COL14A1: variants seen among roughly 807,000 people sequenced by gnomAD.
COL14A1 encodes the protein collagen type XIV alpha 1 chain.
COL14A1 carries 136 observed loss-of-function variants against 230.3 expected under a neutral mutation model. That is an observed-to-expected ratio of 0.59 (90% confidence interval 0.51 to 0.68). The LOEUF (loss-of-function observed/expected upper bound fraction) is 0.68, where lower values mean the gene tolerates loss of function less well. Ranked by LOEUF, COL14A1 falls within the 30% of genes least tolerant of loss-of-function variation. The pLI, the probability that COL14A1 is intolerant of heterozygous loss-of-function variation, is 0.00. For synonymous variants in COL14A1, 792 were observed against 784.1 expected (o/e 1.01, Z -0.17); for missense variants, 1,976 against 2,215.8 (o/e 0.89, Z 2.17).
At chr8:120,310,603 C>T (rs556189138) in intron 37 of COL14A1, among the ~76,000 whole-genome samples, 64 of 152,308 alleles carry the variant, frequency 4.2e-4, no homozygotes, top group Non-Finnish European at 7.8e-4. Context: ...TCAAGGAACA[C>T]GTTTTTCTAC....
At chr8:120,151,415 C>T (rs371046461) in intron 2 of COL14A1, among the ~76,000 whole-genome samples, 6 of 151,842 alleles carry the variant, frequency 4.0e-5, no homozygotes, top group African/African-American at 1.4e-4. Flanking sequence ...CTAAGGCAGG[C>T]GGATCATGAG....
chr8:120,199,808 T>C (rs1392620520), intron 8 of COL14A1, among the ~76,000 whole-genome samples: 20 of 151,622 alleles, frequency 1.3e-4, no homozygotes, highest in Admixed American at 1.3e-3. Flanking sequence ...ATATATAAAA[T>C]GCTGTGAAAA....
At chr8:120,143,299 G>C (rs1244402028) in intron 1 of COL14A1, among the ~76,000 whole-genome samples, 1 of 152,192 alleles carries the variant, frequency 6.6e-6, no homozygotes, top group African/African-American at 2.4e-5. Flanking sequence ...CAGGACTGGG[G>C]GAAGTAGCAT....
At chr8:120,172,384 C>T (rs912488094) in intron 5 of COL14A1, among the ~76,000 whole-genome samples, 1 of 152,132 alleles carries the variant, frequency 6.6e-6, no homozygotes. Flanking sequence ...CTCATGACCT[C>T]AGGTGATCTA....
chr8:120,142,976 G>C (rs1383071501), intron 1 of COL14A1, among the ~76,000 whole-genome samples: 3 of 152,150 alleles, frequency 2.0e-5, no homozygotes, highest in African/African-American at 7.2e-5. Context: ...ATGTTACTTT[G>C]AAAGTTTACG....
chr8:120,333,116 C>T lies in COL14A1; in HGVS notation c.4785+381C>T, dbSNP rs547963004. ...CTTGGGAAATTCTAGGTTTAATGAA[C>T]GTGACATTAGATTTTTCTCTTCCAA... On this transcript the variant is annotated intron_variant, in intron 42 of 47. Coordinates refer to ENST00000297848, the MANE Select transcript of COL14A1 (RefSeq NM_021110.4). Among the ~76,000 whole-genome samples the T allele has an allele frequency of 5.5e-4, 83 of 152,282 alleles. 1 individual carries two copies. The South Asian group carries it at 0.013, about 24-fold the overall frequency.
intron 40 of COL14A1, among the ~76,000 whole-genome samples, chr8:120,316,342 A>G (rs1821233765): frequency 6.6e-6 from 1 of 152,208 alleles, no homozygotes; most frequent in African/African-American, 2.4e-5. Flanking sequence ...ATAAAGAACC[A>G]TATGAATTAA....
intron 25 of COL14A1, among the ~76,000 whole-genome samples, chr8:120,268,624 A>G (rs1819569721): frequency 1.3e-5 from 2 of 151,678 alleles, no homozygotes; most frequent in Admixed American, 1.3e-4. Flanking sequence ...TCCTGGGTAT[A>G]TTTAATTTAA....
intron 5 of COL14A1, among the ~76,000 whole-genome samples, 181 bp downstream of exon 5, chr8:120,168,428 C>G (rs2198751): frequency 6.6e-6 from 1 of 151,904 alleles, no homozygotes; most frequent in Non-Finnish European, 1.5e-5. Flanking sequence ...CCACTTGGCA[C>G]GTGACCTTTC....
chr8:120,225,285 C>A, intron 15 of COL14A1, 71 bp downstream of exon 15: 2 of 1,314,986 alleles, frequency 1.5e-6, no homozygotes, highest in Non-Finnish European at 2.1e-6. Context: ...GAACCTGGAG[C>A]ACCTTCTTTA....
chr8:120,247,182 G>C (rs1184234157), intron 20 of COL14A1, among the ~76,000 whole-genome samples: 2 of 152,212 alleles, frequency 1.3e-5, no homozygotes, highest in Non-Finnish European at 2.9e-5. Flanking sequence ...CCAGCACTTT[G>C]GGAGGCCAAG....
intron 5 of COL14A1, 82 bp downstream of exon 5, chr8:120,168,329 G>C (rs966326521): frequency 2.0e-6 from 2 of 993,254 alleles, no homozygotes. Flanking sequence ...GGGGTTGCTG[G>C]TCCCATCTAA....
chr8:120,224,197 T>G (rs1031830839), intron 14 of COL14A1, among the ~76,000 whole-genome samples: 7 of 151,866 alleles, frequency 4.6e-5, no homozygotes, highest in African/African-American at 1.7e-4. Flanking sequence ...CAGCTAATTT[T>G]TGTATTTTTA....
chr8:120,250,229 G>A (rs1218647693), intron 21 of COL14A1, among the ~76,000 whole-genome samples: 1 of 152,194 alleles, frequency 6.6e-6, no homozygotes, highest in African/African-American at 2.4e-5. Context: ...TGCTATGACT[G>A]CCGCTTGTGT....
chr8:120,286,020 C>G, intron 33 of COL14A1, 50 bp downstream of exon 33: 1 of 1,101,176 alleles, frequency 9.1e-7, no homozygotes, highest in Non-Finnish European at 1.4e-6. Context: ...TGCTATTGAA[C>G]AAAGCCATTT....
chr8:120,230,537 A>T (rs1206794233), intron 18 of COL14A1, among the ~76,000 whole-genome samples: 1 of 151,302 alleles, frequency 6.6e-6, no homozygotes, highest in Non-Finnish European at 1.5e-5. Context: ...CATATTTCCT[A>T]TGCTTCCCCC....
intron 23 of COL14A1, among the ~76,000 whole-genome samples, chr8:120,262,500 A>T (rs1368259815): frequency 6.6e-6 from 1 of 151,954 alleles, no homozygotes; most frequent in Admixed American, 6.6e-5. Flanking sequence ...AAAACAAAAA[A>T]ACCCCACAAA....
At chr8:120,156,220 A>T (rs574782138) in intron 2 of COL14A1, among the ~76,000 whole-genome samples, 1 of 150,458 alleles carries the variant, frequency 6.6e-6, no homozygotes, top group East Asian at 2.0e-4. Flanking sequence ...TCCAGGCTGG[A>T]GTGCAGTAGC....
At chr8:120,191,474 C>T (rs1816824198) in intron 5 of COL14A1, among the ~76,000 whole-genome samples, 2 of 150,064 alleles carry the variant, frequency 1.3e-5, no homozygotes, top group Admixed American at 1.3e-4. Context: ...ACTATGTGGT[C>T]AATTTTGGAA....
Sources: gnomAD v4.1 joint callset for allele counts (sites outside exome capture counted in the v4.1 genomes callset) on GRCh38, gnomAD v4.1.1 for gene constraint, MANE v1.5 for transcripts, NCBI Gene and HGNC (gene_info 2026-07-23, HGNC 2026-07-21) for gene names.